Variants in KAT2B observed in about 807,000 individuals in gnomAD.
KAT2B encodes lysine acetyltransferase 2B.
A neutral mutation model predicts 105.9 loss-of-function variants in KAT2B; 36 were observed. The ratio of observed to expected loss-of-function variants is 0.34; its 90% CI spans 0.26 to 0.45. The LOEUF is 0.45. KAT2B is among the 20% of genes least tolerant of loss of function. The probability of loss-of-function intolerance (pLI) is 1.00; values close to 1 mark genes in which losing one functional copy is unlikely to be tolerated. For synonymous variants in KAT2B, 397 were observed against 377.9 expected, an observed-to-expected ratio of 1.05 and a Z score of -0.59; for missense variants, 820 against 1,021.6, an observed-to-expected ratio of 0.80 and a Z score of 2.69.
Position 20,040,623 on chromosome 3 carries a change from C to G in KAT2B, c.146C>G (p.Ser49Trp). The G allele has an allele frequency of 7.5e-7, 1 of 1,339,964 alleles. No individual in the cohort carries two copies. The highest frequency in any genetic ancestry group is 9.5e-7 in the Non-Finnish European group (1 of 1,047,928). 83.0% of individuals were successfully genotyped at this position (1,339,964 alleles called of 1,614,324 possible). ...CCCTGCGCCGCTGCCGCCGGGGGCTCGGGCGCCTGCGGTCCGGCGACGGCA... is the reference window on the plus strand; with the variant it reads ...CCCTGCGCCGCTGCCGCCGGGGGCTGGGGCGCCTGCGGTCCGGCGACGGCA... ...GSPCAAAAGG[S>W]GACGPATAVA... The change falls in exon 1 of 18, where the codon TCG becomes TGG. Residue 49 changes from serine (S) to tryptophan (W), a missense_variant. Around this residue, in one of 6 missense-constraint regions of KAT2B, gnomAD observed 190 missense variants for 176.7 expected, o/e 1.08. Coordinates refer to ENST00000263754, the MANE Select transcript of KAT2B (RefSeq NM_003884.5).
chr3:20,096,902 G>T (rs981494676), intron 3 of KAT2B, among the ~76,000 whole-genome samples: 1 of 151,024 alleles, frequency 6.6e-6, no homozygotes, highest in African/African-American at 2.5e-5. Context: ...TTTAAAATTT[G>T]GTAGATATTA....
At chr3:20,124,179 A>G (rs1356831252) in intron 9 of KAT2B, among the ~76,000 whole-genome samples, 1 of 152,202 alleles carries the variant, frequency 6.6e-6, no homozygotes, top group East Asian at 1.9e-4. Context: ...ATTACAGATT[A>G]GCTGAGTTTA....
intron 12 of KAT2B, 142 bp downstream of exon 12, chr3:20,137,194 T>C: frequency 3.4e-6 from 2 of 593,536 alleles, no homozygotes; most frequent in South Asian, 4.2e-5. Flanking sequence ...ATGTCAAAAA[T>C]AAGCTTCAGC....
At chr3:20,050,640 A>G (rs1697899624) in intron 1 of KAT2B, among the ~76,000 whole-genome samples, 1 of 152,222 alleles carries the variant, frequency 6.6e-6, no homozygotes, top group South Asian at 2.1e-4. Context: ...AAATTAAAAA[A>G]TTAAAACATT....
Position 20,153,475 on chromosome 3 carries a change from A to G in KAT2B, c.*950A>G, listed in dbSNP as rs1699902087. Reference sequence around the variant, plus strand: ...CCACGCTGATAATATGCAAATGAACATTTTCCTTTATGTCTCTCCAGATAA... The same window carrying G: ...CCACGCTGATAATATGCAAATGAACGTTTTCCTTTATGTCTCTCCAGATAA... On this transcript the variant is annotated 3_prime_UTR_variant, in exon 18 of 18. Coordinates refer to ENST00000263754, the MANE Select transcript of KAT2B (RefSeq NM_003884.5). 6.6e-6 allele frequency: 1 copy of G among 152,574 alleles called. No individual in the cohort carries two copies. Among genetic ancestry groups the G allele is most frequent in the African/African-American group, 2.4e-5 (1 of 41,448 alleles). The allele number at this position is 152,574 out of a possible 1,614,324, so 9.5% of individuals were successfully genotyped here.
chr3:20,130,588 G>A (rs1214774252), intron 11 of KAT2B, among the ~76,000 whole-genome samples: 2 of 152,152 alleles, frequency 1.3e-5, no homozygotes, highest in East Asian at 3.8e-4. Context: ...GATTAAGGTT[G>A]AGTTGGACAC....
intron 5 of KAT2B, among the ~76,000 whole-genome samples, chr3:20,103,227 A>G (rs1490247855): frequency 6.6e-6 from 1 of 152,174 alleles, no homozygotes; most frequent in Non-Finnish European, 1.5e-5. Flanking sequence ...TGAGACGATA[A>G]GTCTCTCAAA....
chr3:20,056,407 T>A (rs1038914499), intron 1 of KAT2B, among the ~76,000 whole-genome samples: 1 of 152,214 alleles, frequency 6.6e-6, no homozygotes, highest in Admixed American at 6.5e-5. Context: ...TGGGTAAGAA[T>A]AAAGAGTTCT....
intron 3 of KAT2B, 21 bp from the exon 4 acceptor site, chr3:20,099,841 T>G: frequency 7.2e-7 from 1 of 1,385,282 alleles, no homozygotes. Flanking sequence ...CTTTTTCTTT[T>G]TTTTAATGAT....
chr3:20,081,100 T>A (rs552972107), intron 2 of KAT2B, among the ~76,000 whole-genome samples: 11 of 152,328 alleles, frequency 7.2e-5, no homozygotes, highest in Middle Eastern at 3.4e-3. Flanking sequence ...ACAGATTTCA[T>A]TGTAGTCATT....
intron 5 of KAT2B, among the ~76,000 whole-genome samples, chr3:20,102,849 A>C (rs1575134809): frequency 6.6e-6 from 1 of 152,184 alleles, no homozygotes; most frequent in East Asian, 1.9e-4. Context: ...TCCTGATTTA[A>C]AGTGGGCAGT....
chr3:20,077,159 A>G (rs367997029), intron 2 of KAT2B, among the ~76,000 whole-genome samples: 15 of 152,290 alleles, frequency 9.8e-5, no homozygotes, highest in East Asian at 5.8e-4. Context: ...TAGAAAGAAC[A>G]TTCAGTTGGG....
At chr3:20,043,443 C>T (rs949892418) in intron 1 of KAT2B, among the ~76,000 whole-genome samples, 3 of 152,070 alleles carry the variant, frequency 2.0e-5, no homozygotes, top group Admixed American at 2.0e-4. Context: ...GGAGTAGTTG[C>T]GGACCCAGAG....
chr3:20,085,581 G>A (rs1302120119), intron 2 of KAT2B, among the ~76,000 whole-genome samples: 1 of 150,534 alleles, frequency 6.6e-6, no homozygotes, highest in Non-Finnish European at 1.5e-5. Flanking sequence ...TGCAATTTTG[G>A]CTCACTGCAG....
At chr3:20,067,557 C>T (rs370028173) in intron 1 of KAT2B, among the ~76,000 whole-genome samples, 7 of 152,138 alleles carry the variant, frequency 4.6e-5, no homozygotes, top group East Asian at 3.8e-4. Flanking sequence ...TTGTCTTCTC[C>T]AAGAATTTAA....
intron 1 of KAT2B, among the ~76,000 whole-genome samples, chr3:20,042,223 T>C (rs1697732380): frequency 6.6e-6 from 1 of 152,216 alleles, no homozygotes; most frequent in Non-Finnish European, 1.5e-5. Context: ...CAATATATTA[T>C]TTGTCCCCTT....
chr3:20,081,878 C>CATACATATATATATATAT (rs1698525470), intron 2 of KAT2B, among the ~76,000 whole-genome samples: 1 of 140,504 alleles, frequency 7.1e-6, no homozygotes, highest in Admixed American at 7.1e-5. Flanking sequence ...GTCATTGGCT[C>CATACATATATATATATAT]ATATATATAT....
At chr3:20,093,883 C>T (rs2125194580) in intron 2 of KAT2B, among the ~76,000 whole-genome samples, 1 of 152,158 alleles carries the variant, frequency 6.6e-6, no homozygotes, top group Non-Finnish European at 1.5e-5. Flanking sequence ...CAGAGAAGTT[C>T]CTGGGCTAGT....
In KAT2B at chr3:20,081,235, C is replaced by G. The variant is rs1189593472; in HGVS notation, c.430+8776C>G. Among the ~76,000 whole-genome samples, 5 of 152,166 alleles carry G rather than the reference C, an allele frequency of 3.3e-5. No individual in the cohort carries two copies. In the East Asian group the frequency reaches 9.6e-4, roughly 29 times the overall value. ...GAGCAGGGACATGTTAGCTGCCTGC[C>G]CAGCTGCTGCCTGTTCACACTGCAG... On this transcript the variant is annotated intron_variant, in intron 2 of 17. Coordinates refer to ENST00000263754, the MANE Select transcript of KAT2B (RefSeq NM_003884.5).
Sources: gnomAD v4.1 joint callset for allele counts (sites outside exome capture counted in the v4.1 genomes callset) on GRCh38, gnomAD v4.1.1 for gene constraint, gnomAD v4.1.1 regional missense constraint, MANE v1.5 for transcripts, NCBI Gene and HGNC (gene_info 2026-07-23, HGNC 2026-07-21) for gene names.